The following ZFPM2 variants were observed in gnomAD, a reference collection of about 807,000 sequenced individuals.
The protein encoded by ZFPM2 is zinc finger protein ZFPM2.
A neutral mutation model predicts 98.6 loss-of-function variants in ZFPM2; 20 were observed. The observed-to-expected ratio is 0.20, with a 90% CI of 0.14 to 0.29. The LOEUF (loss-of-function observed/expected upper bound fraction) is 0.29. ZFPM2 is among the 10% of genes least tolerant of loss of function. ZFPM2 has a pLI of 1.00. For synonymous variants in ZFPM2, 518 were observed against 502.7 expected (o/e 1.03, Z -0.41); for missense variants, 1,310 against 1,388.6 (o/e 0.94, Z 0.90).
At chr8:105,622,772 C>T (rs1586157105) in intron 4 of ZFPM2, among the ~76,000 whole-genome samples, 1 of 151,982 alleles carries the variant, frequency 6.6e-6, no homozygotes. Context: ...TGTAAAAGTG[C>T]AGAATTAGTA....
At chr8:105,515,283 T>C (rs1408643531) in intron 3 of ZFPM2, among the ~76,000 whole-genome samples, 1 of 152,262 alleles carries the variant, frequency 6.6e-6, no homozygotes, top group East Asian at 1.9e-4. Flanking sequence ...CTGGAAATGC[T>C]TAATACTAAT....
At chr8:105,735,866 G>T (rs1483720509) in intron 5 of ZFPM2, among the ~76,000 whole-genome samples, 6 of 151,898 alleles carry the variant, frequency 4.0e-5, no homozygotes, top group African/African-American at 9.7e-5. Context: ...GCAATGTGTA[G>T]CAAGCTGTAT....
chr8:105,689,545 A>C (rs545432766), intron 5 of ZFPM2, among the ~76,000 whole-genome samples: 3 of 152,286 alleles, frequency 2.0e-5, no homozygotes, highest in East Asian at 1.9e-4. Flanking sequence ...AGATGCTCAT[A>C]GAAAAACTTT....
At chr8:105,786,041 CAAAAAAAAAA>C (rs60740995) in intron 5 of ZFPM2, among the ~76,000 whole-genome samples, 4 of 39,830 alleles carry the variant, frequency 1.0e-4, no homozygotes, top group Admixed American at 3.9e-4. Flanking sequence ...GACTCCGTCT[CAAAAAAAAAA>C]AAAAAAAAAA....
intron 2 of ZFPM2, among the ~76,000 whole-genome samples, chr8:105,423,245 T>C (rs1811839720): frequency 6.6e-6 from 1 of 152,204 alleles, no homozygotes; most frequent in Non-Finnish European, 1.5e-5. Context: ...ATCTCAGAGA[T>C]ACCCTTGTTA....
intron 1 of ZFPM2, among the ~76,000 whole-genome samples, chr8:105,381,921 T>A (rs558179853): frequency 6.6e-6 from 1 of 152,254 alleles, no homozygotes; most frequent in African/African-American, 2.4e-5. Flanking sequence ...TTGTAAACAT[T>A]ATTTCTATGG....
At chr8:105,407,381 C>T (rs1269312068) in intron 1 of ZFPM2, among the ~76,000 whole-genome samples, 1 of 151,804 alleles carries the variant, frequency 6.6e-6, no homozygotes, top group Non-Finnish European at 1.5e-5. Flanking sequence ...GTAACAGAAA[C>T]AAACCAAAAG....
At chr8:105,563,176 A>G (rs1178637081) in intron 4 of ZFPM2, among the ~76,000 whole-genome samples, 1 of 152,186 alleles carries the variant, frequency 6.6e-6, no homozygotes, top group African/African-American at 2.4e-5. Flanking sequence ...GCAACATTAC[A>G]TTCCTTTTTT....
At chr8:105,704,491 T>C (rs1811212356) in intron 5 of ZFPM2, among the ~76,000 whole-genome samples, 1 of 152,188 alleles carries the variant, frequency 6.6e-6, no homozygotes. Context: ...ATTCGGTAAC[T>C]ACTTTCGCTC....
chr8:105,549,481 G>C (rs1814791022), intron 3 of ZFPM2, among the ~76,000 whole-genome samples: 1 of 144,612 alleles, frequency 6.9e-6, no homozygotes, highest in Non-Finnish European at 1.5e-5. Flanking sequence ...GGGAAGAAAA[G>C]CTCACAAATC....
In ZFPM2 at chr8:105,318,896, G is replaced by T. The variant is rs1370530592; in HGVS notation, c.-46G>T. 1.6e-6 allele frequency: 2 copies of T among 1,267,536 alleles called. No individual in the cohort carries two copies. The highest frequency in any genetic ancestry group is 2.0e-6 in the Non-Finnish European group (2 of 979,918). The allele number at this position is 1,267,536 out of a possible 1,614,324, so 78.5% of individuals were successfully genotyped here. A position where few individuals can be genotyped will look rare whatever the true frequency, so the allele number is the denominator to read the frequency against. On this transcript the variant is annotated 5_prime_UTR_variant, in exon 1 of 8. Coordinates refer to ENST00000407775, the MANE Select transcript of ZFPM2 (RefSeq NM_012082.4). ...CGGGAGCCGAGGGAGCGGCAGCCGC[G>T]ACCGCGGGCACCGCGGGAGCCCCAG...
chr8:105,768,787 C>T (rs1029795463), intron 5 of ZFPM2, among the ~76,000 whole-genome samples: 3 of 151,606 alleles, frequency 2.0e-5, no homozygotes, highest in Non-Finnish European at 3.0e-5. Context: ...AACTACAAAG[C>T]AATGAAAAGT....
At chr8:105,325,202 G>A (rs1447743920) in intron 1 of ZFPM2, among the ~76,000 whole-genome samples, 2 of 151,870 alleles carry the variant, frequency 1.3e-5, no homozygotes, top group African/African-American at 4.8e-5. Flanking sequence ...CAGAGAATGT[G>A]TTTTCACCAT....
At chr8:105,484,604 A>T (rs1813192136) in intron 3 of ZFPM2, among the ~76,000 whole-genome samples, 1 of 152,226 alleles carries the variant, frequency 6.6e-6, no homozygotes, top group African/African-American at 2.4e-5. Context: ...GTGTTTAATT[A>T]ATGAGTACAC....
chr8:105,784,272 C>T (rs1813345537), intron 5 of ZFPM2, among the ~76,000 whole-genome samples: 1 of 152,182 alleles, frequency 6.6e-6, no homozygotes, highest in Admixed American at 6.5e-5. Context: ...GAAACTGGCT[C>T]TCCTGCCCCT....
chr8:105,802,934 T>C lies in ZFPM2; in HGVS notation c.2852T>C (p.Leu951Pro), dbSNP rs1814083531. The stretch of plus-strand genomic sequence containing the variant: ...AAGGTCTTTAGTGAAGCTGCTCAGC[T>C]CATTGCTACAAAAGAAGAAAACAGA... ...GLKVFSEAAQ[L>P]IATKEENRHL... The change falls in exon 8 of 8, where the codon CTC (leucine) becomes CCC (proline). Residue 951 changes from leucine (L) to proline (P), a missense_variant. Transcript: ENST00000407775. 6.2e-7 allele frequency: 1 copy of C among 1,613,152 alleles called. No individual in the cohort carries two copies. Among genetic ancestry groups the C allele is most frequent in the Admixed American group, 1.7e-5 (1 of 59,864 alleles).
chr8:105,681,770 G>A (rs1287196489), intron 5 of ZFPM2, among the ~76,000 whole-genome samples: 1 of 152,162 alleles, frequency 6.6e-6, no homozygotes, highest in Non-Finnish European at 1.5e-5. Flanking sequence ...TGGTCCAAAG[G>A]ACATTAGGGG....
intron 5 of ZFPM2, among the ~76,000 whole-genome samples, chr8:105,750,599 T>C (rs1029575325): frequency 1.3e-5 from 2 of 152,064 alleles, no homozygotes; most frequent in African/African-American, 4.8e-5. Context: ...GTGGGATACT[T>C]GAGAGATCAG....
intron 4 of ZFPM2, 36 bp downstream of exon 4, chr8:105,561,517 A>C (rs762810714): frequency 4.7e-6 from 7 of 1,483,784 alleles, no homozygotes; most frequent in Middle Eastern, 1.8e-4. Flanking sequence ...ATATTTTGTC[A>C]TCGACTGTTA....
Sources: gnomAD v4.1 joint callset for allele counts (sites outside exome capture counted in the v4.1 genomes callset) on GRCh38, gnomAD v4.1.1 for gene constraint, MANE v1.5 for transcripts, NCBI Gene and HGNC (gene_info 2026-07-23, HGNC 2026-07-21) for gene names.